Variants in DLC1 observed in about 807,000 individuals in gnomAD.
DLC1 encodes rho GTPase-activating protein 7.
In DLC1, 54 loss-of-function variants were observed where a neutral mutation model predicts 140.3. The ratio of observed to expected loss-of-function variants is 0.38; its 90% CI spans 0.31 to 0.48. DLC1 has a LOEUF of 0.48. Among genes scored for constraint, DLC1 ranks in the 20% least tolerant of loss-of-function variants. The pLI is 0.96. For missense variants in DLC1, 2,536 were observed against 1,907.0 expected (o/e 1.33, Z -6.14); for synonymous variants, 986 against 728.1 (o/e 1.35, Z -5.70).
At chr8:13,371,510 G>A (rs1835727992) in intron 4 of DLC1, among the ~76,000 whole-genome samples, 1 of 151,642 alleles carries the variant, frequency 6.6e-6, no homozygotes. Context: ...ATGTACCTTT[G>A]ACAATTGGAG....
rs138299105 is a variant in DLC1 at position 13,394,001 on chromosome 8, C to T, written c.1174-308G>A. The stretch of plus-strand genomic sequence containing the variant: ...AGGGCCCTGCAGAGAAGTTAGAAGG[C>T]AGAAGCCCACAGCCACACCTTCCTT... On this transcript the variant is annotated intron_variant, in intron 3 of 17. Transcript: ENST00000276297. Among the ~76,000 whole-genome samples, 775 of 146,060 alleles carry T rather than the reference C, an allele frequency of 5.3e-3. 5 individuals carry two copies. Among genetic ancestry groups the T allele is most frequent in the African/African-American group, 0.018 (723 of 41,156 alleles).
chr8:13,598,312 T>C (rs1805749085), intron 1 of DLC1, among the ~76,000 whole-genome samples: 1 of 151,898 alleles, frequency 6.6e-6, no homozygotes, highest in Non-Finnish European at 1.5e-5. Context: ...AGGGTTGCCC[T>C]GTGCTGAGCA....
intron 5 of DLC1, among the ~76,000 whole-genome samples, chr8:13,184,823 G>T (rs1826252143): frequency 6.6e-6 from 1 of 152,166 alleles, no homozygotes; most frequent in Non-Finnish European, 1.5e-5. Flanking sequence ...TCTGCTTGTT[G>T]CAGAGCTGAG....
intron 1 of DLC1, among the ~76,000 whole-genome samples, chr8:13,574,456 A>G (rs75276374): frequency 0.016 from 2,453 of 152,224 alleles, 129 homozygotes; most frequent in Admixed American, 0.097. Flanking sequence ...CAAATACTCT[A>G]TAGTTACACC....
chr8:13,115,833 C>T (rs1458469516), intron 5 of DLC1, among the ~76,000 whole-genome samples, 176 bp from the exon 6 acceptor site: 3 of 152,110 alleles, frequency 2.0e-5, no homozygotes, highest in South Asian at 4.1e-4. Flanking sequence ...TGCATCGTTT[C>T]CAGTTTTTTC....
intron 4 of DLC1, among the ~76,000 whole-genome samples, chr8:13,325,287 C>T (rs73663581): frequency 0.047 from 7,147 of 152,200 alleles, 359 homozygotes; most frequent in African/African-American, 0.13. Flanking sequence ...CAGAACAGAG[C>T]CAGTCCCTTG....
At chr8:13,248,836 T>A (rs773466034) in intron 5 of DLC1, among the ~76,000 whole-genome samples, 10 of 152,190 alleles carry the variant, frequency 6.6e-5, no homozygotes, top group Non-Finnish European at 1.2e-4. Context: ...AACCTCCACA[T>A]TGAATTAAAG....
intron 5 of DLC1, among the ~76,000 whole-genome samples, chr8:13,133,646 G>T (rs1822332489): frequency 6.6e-6 from 1 of 151,574 alleles, no homozygotes; most frequent in South Asian, 2.1e-4. Context: ...CCAACTATTG[G>T]CCCCGGGTGC....
chr8:13,472,575 A>G (rs1800257249), intron 2 of DLC1, among the ~76,000 whole-genome samples: 3 of 152,208 alleles, frequency 2.0e-5, no homozygotes, highest in Admixed American at 2.0e-4. Flanking sequence ...CCCCTAGGAC[A>G]TAGTTGAAAC....
At chr8:13,559,665 C>A (rs957968777) in intron 1 of DLC1, among the ~76,000 whole-genome samples, 1 of 152,236 alleles carries the variant, frequency 6.6e-6, no homozygotes, top group South Asian at 2.1e-4. Context: ...AAAAATAATT[C>A]TATGTAGTAG....
intron 1 of DLC1, chr8:13,566,886 G>C: frequency 7.2e-7 from 1 of 1,391,238 alleles, no homozygotes; most frequent in Non-Finnish European, 9.5e-7. Flanking sequence ...CCTCCGCAGA[G>C]CTGATGGCAT....
At chr8:13,533,842 G>A (rs1478106546) in intron 1 of DLC1, among the ~76,000 whole-genome samples, 1 of 152,084 alleles carries the variant, frequency 6.6e-6, no homozygotes, top group East Asian at 1.9e-4. Flanking sequence ...TCTATAAGTG[G>A]CAGTTTTTCT....
Position 13,094,793 on chromosome 8 carries a change from G to T in DLC1, c.3492C>A (p.Asn1164Lys), listed in dbSNP as rs149873887. ...FRDLPEPLMT[N>K]KLSETFLQIY... Reference sequence around the variant, plus strand: ...TCTGTAGAAAGGTTTCCGAGAGTTTGTTCGTCATTAGTGGCTCAGGAAGAT... The same window carrying T: ...TCTGTAGAAAGGTTTCCGAGAGTTTTTTCGTCATTAGTGGCTCAGGAAGAT... Residue 1164 changes from asparagine to lysine, a missense_variant, in exon 12 of 18, where the codon AAC becomes AAA. Asn to Lys is a moderately conservative substitution (Grantham distance 94). Coordinates refer to ENST00000276297, the MANE Select transcript of DLC1 (RefSeq NM_182643.3). The T allele has an allele frequency of 1.2e-6, 2 of 1,614,196 alleles. No individual in the cohort carries two copies. The highest frequency in any genetic ancestry group is 8.5e-7 in the Non-Finnish European group (1 of 1,180,034).
chr8:13,090,619 C>A, intron 14 of DLC1, 149 bp from the exon 15 acceptor site: 1 of 784,168 alleles, frequency 1.3e-6, no homozygotes, highest in Non-Finnish European at 2.0e-6. Context: ...TCATGCTGAC[C>A]GCACGTGTTA....
intron 4 of DLC1, among the ~76,000 whole-genome samples, chr8:13,332,205 A>G (rs1364048884): frequency 2.0e-5 from 3 of 152,230 alleles, no homozygotes; most frequent in African/African-American, 7.2e-5. Flanking sequence ...TGTAAAGTGC[A>G]TTAGCATATT....
At chr8:13,312,241 G>T (rs1014421031) in intron 4 of DLC1, among the ~76,000 whole-genome samples, 1 of 136,734 alleles carries the variant, frequency 7.3e-6, no homozygotes, top group African/African-American at 2.8e-5. Context: ...GGCGCCTGTA[G>T]TCCCAGCTAC....
chr8:13,469,124 C>G (rs1237402985), intron 2 of DLC1, among the ~76,000 whole-genome samples: 10 of 152,086 alleles, frequency 6.6e-5, no homozygotes, highest in Admixed American at 5.9e-4. Context: ...CAGCCTGTGT[C>G]TGCTTTTTAT....
chr8:13,218,975 T>A (rs10087472), intron 5 of DLC1, among the ~76,000 whole-genome samples: 5 of 29,588 alleles, frequency 1.7e-4, no homozygotes, highest in African/African-American at 1.0e-3. Context: ...ATTATATACG[T>A]ATATAACTAT....
At position 13,406,099 on chromosome 8, in the gene DLC1, C is replaced by T. The variant is rs546925525; in HGVS notation, c.1024-4480G>A. Among the ~76,000 whole-genome samples, 5 of 148,924 alleles carry T rather than the reference C, an allele frequency of 3.4e-5. No individual in the cohort carries two copies. The South Asian group carries it at 1.1e-3, about 32-fold the overall frequency. The stretch of plus-strand genomic sequence containing the variant: ...TTGGCTCACTGCAACCTCTGCCTCC[C>T]AGGTTCAAGCGATTCTCCTGCCTCA... On this transcript the variant is annotated intron_variant, in intron 2 of 17. Transcript: ENST00000276297.
Sources: allele counts gnomAD v4.1 joint callset (sites outside exome capture counted in the v4.1 genomes callset), GRCh38; gene constraint gnomAD v4.1.1; transcripts MANE v1.5; gene names NCBI Gene and HGNC (gene_info 2026-07-23, HGNC 2026-07-21).